SNX24: variants seen among roughly 807,000 people sequenced by gnomAD.
SNX24 encodes the protein sorting nexin-24.
In SNX24, 22 loss-of-function variants were observed where a neutral mutation model predicts 28.7. The ratio of observed to expected loss-of-function variants is 0.77; its 90% CI spans 0.55 to 1.10. SNX24 has a LOEUF of 1.10. Ranked by LOEUF, SNX24 falls within the 50% of genes least tolerant of loss-of-function variation. SNX24 has a pLI of 0.00. For missense variants in SNX24, 221 were observed against 201.1 expected (o/e 1.10, Z -0.60); for synonymous variants, 69 against 71.5 (o/e 0.96, Z 0.18).
chr5:122,893,602 CT>C (rs934774657), intron 1 of SNX24, among the ~76,000 whole-genome samples: 3 of 152,220 alleles, frequency 2.0e-5, no homozygotes, highest in African/African-American at 4.8e-5. Context: ...TTTTGTATCT[CT>C]TTTTCCCTCA....
chr5:122,855,789 CT>C (rs1755159918), intron 1 of SNX24, among the ~76,000 whole-genome samples: 1 of 152,144 alleles, frequency 6.6e-6, no homozygotes, highest in Non-Finnish European at 1.5e-5. Context: ...GAAGCAACTT[CT>C]TACCCATTAA....
rs1554065805 is a variant in SNX24 at position 122,847,502 on chromosome 5, C to CTCTTTTTTT, written c.60+1810_60+1811insCTTTTTTTT. ...CTAAACTGTTAAAATCTCTCTCTCT[C>CTCTTTTTTT]TTTTTTTTTTTGAGACAGTCTTCCT... On this transcript the variant is annotated intron_variant, in intron 1 of 6. Transcript: ENST00000261369. 1.1e-3 allele frequency among the ~76,000 whole-genome samples: 139 copies of CTCTTTTTTT among 130,784 alleles called. No individual in the cohort carries two copies. The South Asian group carries it at 0.011, about 10-fold the overall frequency. 85.8% of individuals were successfully genotyped at this position (130,784 alleles called of 152,430 possible).
At chr5:123,013,150 C>A (rs1762621533), downstream of SNX24, among the ~76,000 whole-genome samples, 1 of 152,196 alleles carries the variant, frequency 6.6e-6, no homozygotes, top group Non-Finnish European at 1.5e-5. Flanking sequence ...TCAATAGATG[C>A]ACTATACATA....
chr5:122,847,621 G>A (rs1359967766), intron 1 of SNX24, among the ~76,000 whole-genome samples: 1 of 151,496 alleles, frequency 6.6e-6, no homozygotes, highest in African/African-American at 2.4e-5. Flanking sequence ...AGCCCCTGGA[G>A]TAGCTGGGAC....
chr5:122,936,909 T>A, intron 2 of SNX24, 92 bp downstream of exon 2: 1 of 665,390 alleles, frequency 1.5e-6, no homozygotes, highest in African/African-American at 1.8e-5. Context: ...AGACCATTGA[T>A]ATTTCTTGTG....
At chr5:122,903,488 C>T (rs1757525502) in intron 1 of SNX24, among the ~76,000 whole-genome samples, 2 of 152,154 alleles carry the variant, frequency 1.3e-5, no homozygotes, top group Admixed American at 6.5e-5. Context: ...GGCCAGTGAA[C>T]AGGTCTTTCC....
chr5:122,989,702 G>A (rs543874557), intron 3 of SNX24, among the ~76,000 whole-genome samples: 13 of 152,288 alleles, frequency 8.5e-5, no homozygotes, highest in Non-Finnish European at 1.5e-5. Flanking sequence ...TTGCATAGAT[G>A]CAAAAAGACT....
chr5:122,911,595 G>A (rs2150089903), intron 1 of SNX24, among the ~76,000 whole-genome samples: 1 of 148,780 alleles, frequency 6.7e-6, no homozygotes, highest in Admixed American at 6.7e-5. Flanking sequence ...GGGTTTTTAT[G>A]GTTTTAGGTC....
In SNX24 at chr5:122,965,294, C is replaced by T. The variant is rs1315251494; in HGVS notation, c.249+19135C>T. On this transcript the variant is annotated intron_variant, in intron 3 of 6. Coordinates refer to ENST00000261369, the MANE Select transcript of SNX24 (RefSeq NM_014035.4). The stretch of plus-strand genomic sequence containing the variant: ...TCACACAGACTCTCAGCAGATTAGG[C>T]CCTCAGCCTGGAGTGCATTCATTTT... 1.9e-5 allele frequency: 6 copies of T among 313,872 alleles called. No homozygotes were observed. The East Asian group carries it at 4.6e-4, about 24-fold the overall frequency. 19.4% of individuals were successfully genotyped at this position (313,872 alleles called of 1,614,324 possible).
intron 1 of SNX24, among the ~76,000 whole-genome samples, chr5:122,919,703 G>C (rs1350863712): frequency 6.6e-6 from 1 of 151,954 alleles, no homozygotes; most frequent in African/African-American, 2.4e-5. Flanking sequence ...CAACACTGAT[G>C]CCTCTTATTC....
At chr5:122,964,789 A>C (rs919911475) in intron 3 of SNX24, among the ~76,000 whole-genome samples, 1 of 152,194 alleles carries the variant, frequency 6.6e-6, no homozygotes, top group Non-Finnish European at 1.5e-5. Context: ...GCCAAATATC[A>C]TATTTTCATC....
intron 1 of SNX24, among the ~76,000 whole-genome samples, chr5:122,869,343 C>T (rs932702743): frequency 6.6e-6 from 1 of 152,156 alleles, no homozygotes; most frequent in African/African-American, 2.4e-5. Flanking sequence ...AATATGCTTC[C>T]TTTTGTCAAT....
At chr5:122,861,240 T>C (rs1352056220) in intron 1 of SNX24, among the ~76,000 whole-genome samples, 1 of 152,092 alleles carries the variant, frequency 6.6e-6, no homozygotes, top group Non-Finnish European at 1.5e-5. Flanking sequence ...CTTGGGAGGC[T>C]GAGGCACAAG....
intron 1 of SNX24, among the ~76,000 whole-genome samples, chr5:122,922,629 A>G (rs1167776305): frequency 6.6e-6 from 1 of 151,974 alleles, no homozygotes; most frequent in African/African-American, 2.4e-5. Context: ...CCGTGGTATA[A>G]CTTCATATTC....
chr5:122,909,922 C>A (rs1202032266), intron 1 of SNX24, among the ~76,000 whole-genome samples: 3 of 152,108 alleles, frequency 2.0e-5, no homozygotes, highest in Non-Finnish European at 4.4e-5. Flanking sequence ...TCACAAACTA[C>A]CTAATGGAAT....
chr5:122,868,090 C>G (rs1755799398), intron 1 of SNX24, among the ~76,000 whole-genome samples: 1 of 152,156 alleles, frequency 6.6e-6, no homozygotes, highest in African/African-American at 2.4e-5. Context: ...CATGTAGAAC[C>G]ATCGTAAACC....
chr5:123,029,195 G>C (rs774993813), intron 5 of SNX24: 2 of 1,571,604 alleles, frequency 1.3e-6, no homozygotes, highest in Non-Finnish European at 1.7e-6. Context: ...GTCAAATGTG[G>C]TAAGGTTCAT....
chr5:123,013,210 G>T (rs1336337943), downstream of SNX24, among the ~76,000 whole-genome samples: 11 of 152,152 alleles, frequency 7.2e-5, no homozygotes, highest in Admixed American at 1.3e-4. Context: ...AAATGCATTT[G>T]GGTCCCCCCA....
chr5:122,853,945 C>G (rs7713253), intron 1 of SNX24, among the ~76,000 whole-genome samples: 54,544 of 152,024 alleles, frequency 0.36, 10,451 homozygotes, highest in African/African-American at 0.46. Flanking sequence ...TTTAAGAATT[C>G]TTAAAAAACT....
Sources: gnomAD v4.1 joint callset for allele counts (sites outside exome capture counted in the v4.1 genomes callset) on GRCh38, gnomAD v4.1.1 for gene constraint, MANE v1.5 for transcripts, NCBI Gene and HGNC (gene_info 2026-07-23, HGNC 2026-07-21) for gene names.